TARBP1: variants seen among roughly 807,000 people sequenced by gnomAD.
The protein encoded by TARBP1 is tRNA (guanosine(18)-2'-O)-methyltransferase TARBP1.
In TARBP1, 144 loss-of-function variants were observed where a neutral mutation model predicts 178.6. That is an observed-to-expected ratio of 0.81 (90% CI 0.70 to 0.93). TARBP1 has a LOEUF of 0.93. TARBP1 is among the 40% of genes least tolerant of loss of function. TARBP1 has a pLI of 0.00. For missense variants in TARBP1, 2,067 were observed against 2,011.7 expected, an observed-to-expected ratio of 1.03 and a Z score of -0.53; for synonymous variants, 787 against 781.0, an observed-to-expected ratio of 1.01 and a Z score of -0.13.
intron 22 of TARBP1, among the ~76,000 whole-genome samples, chr1:234,413,901 GAC>G (rs953522870): frequency 5.3e-5 from 8 of 152,218 alleles, no homozygotes; most frequent in African/African-American, 1.9e-4. Context: ...TCACGAATCA[GAC>G]ACAGAGCATG....
In TARBP1 at chr1:234,399,102, A is replaced by G. The variant is rs1398142819; in HGVS notation, c.4072-549T>C. 2.0e-5 allele frequency among the ~76,000 whole-genome samples: 3 copies of G among 152,256 alleles called. No homozygotes were observed. The East Asian group carries it at 5.8e-4, about 29-fold the overall frequency. On this transcript the variant is annotated intron_variant, in intron 25 of 29. Coordinates refer to ENST00000040877, the MANE Select transcript of TARBP1 (RefSeq NM_005646.4). The stretch of plus-strand genomic sequence containing the variant: ...AAATCAGATTACAACAACATATTAA[A>G]GTGTTCGTGAACACGGCATAGTCTG...
intron 4 of TARBP1, 136 bp downstream of exon 4, chr1:234,467,366 G>A: frequency 1.1e-6 from 1 of 876,676 alleles, no homozygotes; most frequent in African/African-American, 1.8e-5. Flanking sequence ...TTTCCAAATA[G>A]GAAAGCTGGG....
intron 24 of TARBP1, among the ~76,000 whole-genome samples, chr1:234,402,417 ACT>A (rs1289320273): frequency 9.2e-5 from 14 of 152,176 alleles, no homozygotes; most frequent in Non-Finnish European, 1.3e-4. Flanking sequence ...AAATAAGTTG[ACT>A]CTGTCTCACC....
At chr1:234,413,945 G>T (rs1204409483) in intron 22 of TARBP1, among the ~76,000 whole-genome samples, 2 of 152,214 alleles carry the variant, frequency 1.3e-5, no homozygotes, top group Non-Finnish European at 2.9e-5. Flanking sequence ...TTGTGCAACT[G>T]TATAGATGGT....
At chr1:234,398,180 T>C in intron 26 of TARBP1, 1 of 337,184 alleles carries the variant, frequency 3.0e-6, no homozygotes, top group Admixed American at 4.7e-5. Flanking sequence ...TTTTTTTAAA[T>C]AGCTTTAAAG....
intron 12 of TARBP1, among the ~76,000 whole-genome samples, chr1:234,445,616 A>G (rs1666072713): frequency 6.6e-6 from 1 of 152,168 alleles, no homozygotes; most frequent in Non-Finnish European, 1.5e-5. Flanking sequence ...ATACCTCAAT[A>G]AAGTAGTTAA....
At chr1:234,394,001 GAC>G (rs1011033211) in intron 26 of TARBP1, among the ~76,000 whole-genome samples, 164 bp from the exon 27 acceptor site, 8 of 152,176 alleles carry the variant, frequency 5.3e-5, no homozygotes, top group African/African-American at 1.9e-4. Context: ...GTTGGATTCA[GAC>G]ACAATTCCCA....
intron 28 of TARBP1, 120 bp from the exon 29 acceptor site, chr1:234,392,672 A>C (rs1199910673): frequency 1.2e-6 from 1 of 835,050 alleles, no homozygotes; most frequent in Non-Finnish European, 1.8e-6. Context: ...GGAGAGAATT[A>C]TACATTATAA....
chr1:234,425,546 C>T (rs1663644665), intron 20 of TARBP1, 127 bp downstream of exon 20: 1 of 1,037,924 alleles, frequency 9.6e-7, no homozygotes, highest in Non-Finnish European at 1.4e-6. Context: ...ATTAAAAATA[C>T]AGAACATAAA....
chr1:234,391,728 A>G lies in TARBP1; in HGVS notation c.4715T>C (p.Ile1572Thr). ...LLLLGNEREG[I>T]PANLIQQLDV... ...CAACTGTTGGATCAGATTTGCTGGA[A>G]TTCCCTCACGTTCATTTCTGAGGAA... The change falls in exon 30 of 30, where the codon ATT (isoleucine) becomes ACT (threonine). Residue 1572 changes from isoleucine to threonine, a missense_variant. Ile to Thr is a moderately conservative substitution (Grantham distance 89). Coordinates refer to ENST00000040877, the MANE Select transcript of TARBP1 (RefSeq NM_005646.4). 1 of 1,613,212 alleles carries G rather than the reference A, an allele frequency of 6.2e-7. No homozygotes were observed. Among genetic ancestry groups the G allele is most frequent in the Non-Finnish European group, 8.5e-7 (1 of 1,179,834 alleles).
At chr1:234,437,093 C>A (rs891549075) in intron 13 of TARBP1, among the ~76,000 whole-genome samples, 182 bp downstream of exon 13, 1 of 152,104 alleles carries the variant, frequency 6.6e-6, no homozygotes, top group African/African-American at 2.4e-5. Flanking sequence ...TCACAGCTAA[C>A]AATACAGATG....
At chr1:234,458,203 T>C (rs1232919813) in intron 8 of TARBP1, among the ~76,000 whole-genome samples, 2 of 151,914 alleles carry the variant, frequency 1.3e-5, no homozygotes, top group Non-Finnish European at 2.9e-5. Context: ...AATTAGCCAG[T>C]TGTGGTGGCA....
chr1:234,394,061 A>T (rs1263759363), intron 26 of TARBP1, among the ~76,000 whole-genome samples: 1 of 152,212 alleles, frequency 6.6e-6, no homozygotes, highest in East Asian at 1.9e-4. Context: ...ATTAACCAAC[A>T]TATTATGATA....
In TARBP1 at chr1:234,427,299, A is replaced by G. The variant is rs1663889168; in HGVS notation, c.3323+18T>C. On this transcript the variant is annotated intron_variant, in intron 19 of 29. Transcript: ENST00000040877. ...GTATCTCATTTATGTGAAGACAGAG[A>G]AAATCTACCATACTTACTTTTCCAT... is the stretch of plus-strand genomic sequence containing the variant. 3.2e-6 allele frequency: 5 copies of G among 1,578,516 alleles called. No individual in the cohort carries two copies. The highest frequency in any genetic ancestry group is 4.3e-6 in the Non-Finnish European group (5 of 1,157,246).
chr1:234,419,083 A>G (rs1437307058), intron 21 of TARBP1, among the ~76,000 whole-genome samples: 1 of 152,082 alleles, frequency 6.6e-6, no homozygotes, highest in African/African-American at 2.4e-5. Flanking sequence ...GAGGCAGGAG[A>G]ATGGCGTGAA....
At chr1:234,396,247 G>A (rs146533094) in intron 26 of TARBP1, among the ~76,000 whole-genome samples, 1,871 of 152,266 alleles carry the variant, frequency 0.012, 34 homozygotes, top group African/African-American at 0.043. Flanking sequence ...CTCGACAGCT[G>A]CCTACAATGC....
At chr1:234,428,608 T>C (rs1417699344) in intron 17 of TARBP1, among the ~76,000 whole-genome samples, 4 of 151,550 alleles carry the variant, frequency 2.6e-5, no homozygotes, top group Admixed American at 2.6e-4. Context: ...TGCAGTGGCG[T>C]GATGTCAGCT....
chr1:234,426,486 A>C (rs1420942701), intron 19 of TARBP1, among the ~76,000 whole-genome samples: 1 of 152,214 alleles, frequency 6.6e-6, no homozygotes, highest in East Asian at 1.9e-4. Context: ...AAATAACTAA[A>C]AACAATGAAA....
At chr1:234,465,477 C>A (rs1291772367) in intron 5 of TARBP1, among the ~76,000 whole-genome samples, 179 bp downstream of exon 5, 1 of 151,990 alleles carries the variant, frequency 6.6e-6, no homozygotes, top group Non-Finnish European at 1.5e-5. Flanking sequence ...AAAGGAGAAA[C>A]ACTTGATGCA....
Sources: gnomAD v4.1 joint callset for allele counts (sites outside exome capture counted in the v4.1 genomes callset) on GRCh38, gnomAD v4.1.1 for gene constraint, MANE v1.5 for transcripts, NCBI Gene and HGNC (gene_info 2026-07-23, HGNC 2026-07-21) for gene names.